HPSE2: variants seen among roughly 807,000 people sequenced by gnomAD.
HPSE2 encodes the protein heparanase 2 (inactive).
Under a neutral mutation model 60.5 loss-of-function variants are expected in HPSE2, and 38 were observed. The ratio of observed to expected loss-of-function variants is 0.63; its 90% CI spans 0.48 to 0.82. The LOEUF is 0.82. HPSE2 is among the 40% of genes least tolerant of loss of function. HPSE2 has a pLI of 0.00. For missense variants in HPSE2, 713 were observed against 740.4 expected, an observed-to-expected ratio of 0.96 and a Z score of 0.43; for synonymous variants, 295 against 293.2, an observed-to-expected ratio of 1.01 and a Z score of -0.06.
chr10:98,457,958 A>G lies in HPSE2; in HGVS notation c.*1616T>C, dbSNP rs1940119621. The G allele has an allele frequency of 1.3e-5, 2 of 152,070 alleles. No individual in the cohort carries two copies. Among genetic ancestry groups the G allele is most frequent in the African/African-American group, 4.8e-5 (2 of 41,360 alleles). The allele number at this position is 152,070 out of a possible 1,614,324, so 9.4% of individuals were successfully genotyped here. On this transcript the variant is annotated 3_prime_UTR_variant, in exon 12 of 12. Transcript: ENST00000370552. Reference sequence around the variant, plus strand: ...GCTGTTCCTCCTGTGCTTAATGATAAGCATGTCAAAACCCGGTCCCCTCGC... The same window carrying G: ...GCTGTTCCTCCTGTGCTTAATGATAGGCATGTCAAAACCCGGTCCCCTCGC...
intron 9 of HPSE2, among the ~76,000 whole-genome samples, chr10:98,571,970 G>A (rs934597054): frequency 3.6e-5 from 5 of 140,270 alleles, no homozygotes; most frequent in African/African-American, 7.8e-5. Flanking sequence ...ACGGAGTCTC[G>A]TTCTGTTGCC....
intron 9 of HPSE2, among the ~76,000 whole-genome samples, chr10:98,575,681 C>T (rs1354172568): frequency 1.3e-5 from 2 of 152,208 alleles, no homozygotes; most frequent in Non-Finnish European, 1.5e-5. Flanking sequence ...TGTGGTCACA[C>T]AGCTAGCTGG....
At chr10:99,031,703 G>A (rs1957503111) in intron 3 of HPSE2, among the ~76,000 whole-genome samples, 1 of 152,094 alleles carries the variant, frequency 6.6e-6, no homozygotes, top group Admixed American at 6.5e-5. Flanking sequence ...ATGGGAAACA[G>A]AAAACAACCA....
At chr10:98,745,089 C>T (rs1458701070) in intron 3 of HPSE2, among the ~76,000 whole-genome samples, 4 of 152,160 alleles carry the variant, frequency 2.6e-5, no homozygotes, top group African/African-American at 9.7e-5. Flanking sequence ...GTAGTCCCAG[C>T]TACTCAGGAG....
At position 99,036,047 on chromosome 10, in the gene HPSE2, CA is replaced by C. The variant is rs1365872649; in HGVS notation, c.610+108190del. Reference sequence around the variant, plus strand: ...GCAACAAAGCAAGACCCTGTTCCTACAAAAAAAAAATTTTTTTTTAAACTAG... The same window carrying C: ...GCAACAAAGCAAGACCCTGTTCCTACAAAAAAAAATTTTTTTTTAAACTAG... On this transcript the variant is annotated intron_variant, in intron 3 of 11. Coordinates refer to ENST00000370552, the MANE Select transcript of HPSE2 (RefSeq NM_021828.5). Among the ~76,000 whole-genome samples the C allele has an allele frequency of 1.6e-4, 24 of 149,952 alleles. No individual in the cohort carries two copies. In the East Asian group the frequency reaches 2.9e-3, roughly 18 times the overall value.
chr10:98,921,185 A>T (rs146850908), intron 3 of HPSE2, among the ~76,000 whole-genome samples: 73 of 152,244 alleles, frequency 4.8e-4, no homozygotes, highest in Non-Finnish European at 9.0e-4. Context: ...TGTTGTTAGG[A>T]CTAAATGGGC....
chr10:98,823,352 C>G (rs1045207692), intron 3 of HPSE2, among the ~76,000 whole-genome samples: 1 of 152,204 alleles, frequency 6.6e-6, no homozygotes, highest in African/African-American at 2.4e-5. Flanking sequence ...GGCACAGTGG[C>G]TCACATCTGT....
chr10:98,699,147 C>A (rs1338019084), intron 5 of HPSE2, among the ~76,000 whole-genome samples: 1 of 151,852 alleles, frequency 6.6e-6, no homozygotes, highest in East Asian at 1.9e-4. Flanking sequence ...TTTATGAGGC[C>A]AGCATCATCC....
intron 6 of HPSE2, among the ~76,000 whole-genome samples, chr10:98,646,328 T>C (rs1002155219): frequency 1.7e-4 from 26 of 151,948 alleles, no homozygotes; most frequent in Non-Finnish European, 3.1e-4. Flanking sequence ...TTTTCTTTTT[T>C]TTTTTTTAAA....
At chr10:98,512,906 T>C (rs1466513019) in intron 9 of HPSE2, among the ~76,000 whole-genome samples, 2 of 152,044 alleles carry the variant, frequency 1.3e-5, no homozygotes, top group African/African-American at 2.4e-5. Flanking sequence ...GGAAGCCTTC[T>C]TGGACCACCC....
chr10:99,054,373 A>G (rs908756481), intron 3 of HPSE2, among the ~76,000 whole-genome samples: 1 of 152,162 alleles, frequency 6.6e-6, no homozygotes, highest in South Asian at 2.1e-4. Flanking sequence ...CACTGCTGGC[A>G]TTCAGTTGAG....
At chr10:98,891,387 A>T (rs1304765520) in intron 3 of HPSE2, among the ~76,000 whole-genome samples, 1 of 152,172 alleles carries the variant, frequency 6.6e-6, no homozygotes, top group Non-Finnish European at 1.5e-5. Flanking sequence ...TAATTTACTC[A>T]TGGAATGTAA....
intron 9 of HPSE2, among the ~76,000 whole-genome samples, chr10:98,557,286 G>A (rs7097086): frequency 0.41 from 61,734 of 152,050 alleles, 13,240 homozygotes; most frequent in African/African-American, 0.54. Flanking sequence ...AAACCGACCA[G>A]TGAAACATAA....
At chr10:98,463,127 C>T (rs1271645861) in intron 11 of HPSE2, among the ~76,000 whole-genome samples, 1 of 152,170 alleles carries the variant, frequency 6.6e-6, no homozygotes, top group Non-Finnish European at 1.5e-5. Flanking sequence ...TTCCTCCATC[C>T]ACTGCTATCT....
chr10:99,306,222 T>A, the HPSE2 span, among the ~76,000 whole-genome samples: 4 of 152,284 alleles, frequency 2.6e-5, no homozygotes, highest in East Asian at 5.8e-4. Flanking sequence ...CTAAAAGTGA[T>A]GAAAGATCCA....
chr10:98,585,276 C>CTTT (rs35472307), intron 9 of HPSE2, among the ~76,000 whole-genome samples: 5 of 144,182 alleles, frequency 3.5e-5, no homozygotes, highest in Admixed American at 6.9e-5. Flanking sequence ...AAAGTAGTGT[C>CTTT]TTTTTTTTTT....
At chr10:98,577,058 T>A (rs1944660920) in intron 9 of HPSE2, among the ~76,000 whole-genome samples, 1 of 152,058 alleles carries the variant, frequency 6.6e-6, no homozygotes, top group African/African-American at 2.4e-5. Context: ...ATTCTCACAC[T>A]TTCTTCTGTT....
intron 3 of HPSE2, among the ~76,000 whole-genome samples, chr10:99,112,988 G>T (rs1177937398): frequency 6.6e-6 from 1 of 151,950 alleles, no homozygotes. Context: ...GAAAATTTTA[G>T]TTCTGACAAC....
intron 3 of HPSE2, among the ~76,000 whole-genome samples, chr10:99,094,224 C>T (rs906831157): frequency 1.3e-5 from 2 of 151,588 alleles, no homozygotes; most frequent in South Asian, 2.1e-4. Context: ...GGTTTGTCGT[C>T]GTTCACGTTA....
Sources: allele counts gnomAD v4.1 joint callset (sites outside exome capture counted in the v4.1 genomes callset), GRCh38; gene constraint gnomAD v4.1.1; transcripts MANE v1.5; gene names NCBI Gene and HGNC (gene_info 2026-07-23, HGNC 2026-07-21).